The following CHMP7 variants were observed in gnomAD, a reference collection of about 807,000 sequenced individuals.
CHMP7 encodes CHMP family, member 7.
CHMP7 carries 15 observed loss-of-function variants against 53.7 expected under a neutral mutation model. The ratio of observed to expected loss-of-function variants is 0.28; its 90% CI spans 0.19 to 0.43. The LOEUF (loss-of-function observed/expected upper bound fraction) is 0.43. Ranked by LOEUF, CHMP7 falls within the 20% of genes least tolerant of loss-of-function variation. CHMP7 has a pLI of 1.00. For missense variants in CHMP7, 527 were observed against 569.4 expected (o/e 0.93, Z 0.76); for synonymous variants, 261 against 228.0 (o/e 1.14, Z -1.30).
At chr8:23,257,779 CCT>C (rs1370347537) in intron 5 of CHMP7, among the ~76,000 whole-genome samples, 4 of 152,200 alleles carry the variant, frequency 2.6e-5, no homozygotes, top group African/African-American at 9.6e-5. Flanking sequence ...TATAATGTGC[CCT>C]GTTTGCATGT....
intron 1 of CHMP7, among the ~76,000 whole-genome samples, chr8:23,245,150 G>T (rs6983883): frequency 1.3e-5 from 2 of 152,108 alleles, no homozygotes; most frequent in Non-Finnish European, 2.9e-5. Context: ...GTGTTAGCTA[G>T]GATTTCCCGT....
At chr8:23,251,312 T>A (rs1412642274) in intron 3 of CHMP7, among the ~76,000 whole-genome samples, 1 of 152,104 alleles carries the variant, frequency 6.6e-6, no homozygotes, top group Non-Finnish European at 1.5e-5. Context: ...TTTTGTTATT[T>A]AAAAAAAATA....
intron 2 of CHMP7, 34 bp downstream of exon 2, chr8:23,247,028 C>G (rs2128856521): frequency 2.1e-6 from 3 of 1,413,440 alleles, no homozygotes; most frequent in Non-Finnish European, 2.8e-6. Flanking sequence ...GCCGCGAGGG[C>G]GGGCGGGGGC....
intron 8 of CHMP7, 33 bp downstream of exon 8, chr8:23,258,863 G>A (rs937932848): frequency 6.9e-7 from 1 of 1,440,318 alleles, no homozygotes; most frequent in African/African-American, 1.4e-5. Flanking sequence ...GACACACAGA[G>A]AAGGAGGTGA....
In CHMP7 at chr8:23,256,513, A is replaced by C; in HGVS notation, c.711A>C (p.Val237=). The C allele has an allele frequency of 1.2e-6, 2 of 1,610,216 alleles. No individual in the cohort carries two copies. Among genetic ancestry groups the C allele is most frequent in the South Asian group, 1.1e-5 (1 of 91,002 alleles). ...CCAAGGTCTCTCCAGTCAATGACGTAGATGTTGGGGTGTACCAGCTGATGC... is the reference window on the plus strand; with the variant it reads ...CCAAGGTCTCTCCAGTCAATGACGTCGATGTTGGGGTGTACCAGCTGATGC... ...PRAKVSPVND[V]DVGVYQLMQS... Residue 237 remains valine, a synonymous_variant, in exon 5 of 11, where the codon GTA becomes GTC. Transcript: ENST00000397677.
intron 10 of CHMP7, 30 bp from the exon 11 acceptor site, chr8:23,260,508 A>G (rs1425809723): frequency 6.2e-7 from 1 of 1,606,794 alleles, no homozygotes; most frequent in East Asian, 2.2e-5. Flanking sequence ...TTTTCCTGTT[A>G]TAGTGTTCAG....
In CHMP7 at chr8:23,258,399, A is replaced by G; in HGVS notation, c.910A>G (p.Thr304Ala). The G allele has an allele frequency of 6.2e-7, 1 of 1,614,128 alleles. No homozygotes were observed. The highest frequency in any genetic ancestry group is 8.5e-7 in the Non-Finnish European group (1 of 1,180,028). Residue 304 changes from threonine (T) to alanine (A), a missense_variant, in exon 7 of 11, where the codon ACT (threonine) becomes GCT (alanine). Transcript: ENST00000397677. The part of the protein sequence containing the change: ...RIEALHAKLD[T>A]VQGILDRIYA... ...CGAGGCCTTGCATGCCAAGCTGGACACTGTTCAAGGCATCCTGGACCGGAT... is the reference window on the plus strand; with the variant it reads ...CGAGGCCTTGCATGCCAAGCTGGACGCTGTTCAAGGCATCCTGGACCGGAT...
At position 23,245,263 on chromosome 8, in the gene CHMP7, A is replaced by G. The variant is rs1435510708; in HGVS notation, c.-440-993A>G. On this transcript the variant is annotated intron_variant, in intron 1 of 10. Transcript: ENST00000397677. ...ACCATTAATTCTTATGTTGGCTGTA[A>G]GGTTCCTGTTTATGTTCTTTATCAA... Among the ~76,000 whole-genome samples, 3 of 152,208 alleles carry G rather than the reference A, an allele frequency of 2.0e-5. No homozygotes were observed. In the East Asian group the frequency reaches 5.8e-4, roughly 29 times the overall value.
In CHMP7 at chr8:23,255,394, G is replaced by A. The variant is rs1481696995; in HGVS notation, c.619G>A (p.Glu207Lys). ...CTTGGTGTTGCTGCAGCTGCAGAAG[G>A]AGAAGAGGGTCACAGTCCTCGAGCA... ...FYLVLLQLQK[E>K]KRVTVLEQNG... The change falls in exon 4 of 11, where the codon GAG becomes AAG. Residue 207 changes from glutamate (E) to lysine (K), a missense_variant. Transcript: ENST00000397677. 3 of 1,614,196 alleles carry A rather than the reference G, an allele frequency of 1.9e-6. No individual in the cohort carries two copies. The highest frequency in any genetic ancestry group is 2.5e-6 in the Non-Finnish European group (3 of 1,180,026).
intron 1 of CHMP7, among the ~76,000 whole-genome samples, chr8:23,244,133 C>G (rs1192910521): frequency 1.3e-5 from 2 of 151,906 alleles, no homozygotes; most frequent in Non-Finnish European, 2.9e-5. Context: ...TTTCAGAAAG[C>G]AAATAATAAT....
intron 2 of CHMP7, 122 bp from the exon 3 acceptor site, chr8:23,249,088 G>A (rs1038396338): frequency 2.5e-6 from 2 of 784,988 alleles, no homozygotes; most frequent in Non-Finnish European, 3.9e-6. Context: ...CAGCGTAGGT[G>A]CTTAACAAAT....
chr8:23,246,499 T>A lies in CHMP7; in HGVS notation c.-197T>A, dbSNP rs1419144682. ...CGGTGTCTCTCTGAAAAGAACTTCA[T>A]CATACTGCCTCCTGGCTGACGGAGC... On this transcript the variant is annotated 5_prime_UTR_variant, in exon 2 of 11. Coordinates refer to ENST00000397677, the MANE Select transcript of CHMP7 (RefSeq NM_152272.5). The A allele has an allele frequency of 5.0e-6, 3 of 595,302 alleles. No homozygotes were observed. Among genetic ancestry groups the A allele is most frequent in the South Asian group, 4.1e-5 (2 of 48,520 alleles). 36.9% of individuals were successfully genotyped at this position (595,302 alleles called of 1,614,324 possible). A position where few individuals can be genotyped will look rare whatever the true frequency, so the allele number is the denominator to read the frequency against.
chr8:23,247,921 T>G (rs2128856840), intron 2 of CHMP7: 4 of 350,870 alleles, frequency 1.1e-5, no homozygotes, highest in Non-Finnish European at 2.3e-5. Context: ...TTGGTTGGTT[T>G]TTTTTTTTTT....
intron 9 of CHMP7, among the ~76,000 whole-genome samples, 191 bp downstream of exon 9, chr8:23,259,317 TGC>T (rs1802285928): frequency 6.1e-5 from 9 of 147,868 alleles, no homozygotes; most frequent in Admixed American, 1.3e-4. Flanking sequence ...TACAGGCGCC[TGC>T]CACTATGCCC....
chr8:23,255,687 G>A (rs370091727), intron 4 of CHMP7, among the ~76,000 whole-genome samples: 2 of 151,778 alleles, frequency 1.3e-5, no homozygotes, highest in Admixed American at 6.6e-5. Flanking sequence ...GCATCTCCCC[G>A]CCTGAGTCAC....
intron 9 of CHMP7, 26 bp from the exon 10 acceptor site, chr8:23,260,118 A>G (rs1188938812): frequency 1.2e-6 from 2 of 1,601,532 alleles, no homozygotes; most frequent in East Asian, 2.2e-5. Context: ...GAGTTTATGC[A>G]TCTTTATGTT....
At position 23,246,958 on chromosome 8, in the gene CHMP7, C is replaced by T; in HGVS notation, c.263C>T (p.Pro88Leu). 2.6e-6 allele frequency: 4 copies of T among 1,547,654 alleles called. No individual in the cohort carries two copies. Among genetic ancestry groups the T allele is most frequent in the South Asian group, 1.2e-5 (1 of 84,472 alleles). The change falls in exon 2 of 11, where the codon CCG (proline) becomes CTG (leucine). Residue 88 changes from proline (P) to leucine (L), a missense_variant. Coordinates refer to ENST00000397677, the MANE Select transcript of CHMP7 (RefSeq NM_152272.5). The stretch of plus-strand genomic sequence containing the variant: ...GCCTTTCAGCGCAAGGGGAGCGTCC[C>T]GCTGGGGCTGGCCACGGTGCTGCAG... ...QEAFQRKGSV[P>L]LGLATVLQDL...
rs1802345945 is a variant in CHMP7 at position 23,260,569 on chromosome 8, G to A, written c.1332G>A (p.Arg444=). 5 of 1,600,108 alleles carry A rather than the reference G, an allele frequency of 3.1e-6. No individual in the cohort carries two copies. Among genetic ancestry groups the A allele is most frequent in the Non-Finnish European group, 2.6e-6 (3 of 1,168,240 alleles). Reference sequence around the variant, plus strand: ...TCCCAAGCAGTAAATCTCCAAAAAGGCAATTGGAACCGACTCTAAAGCCAT... The same window carrying A: ...TCCCAAGCAGTAAATCTCCAAAAAGACAATTGGAACCGACTCTAAAGCCAT... ...GLVPSSKSPK[R]QLEPTLKPL Residue 444 remains arginine, a synonymous_variant, in exon 11 of 11, where the codon AGG becomes AGA. Coordinates refer to ENST00000397677, the MANE Select transcript of CHMP7 (RefSeq NM_152272.5).
Position 23,246,974 on chromosome 8 carries a change from G to A in CHMP7, c.279G>A (p.Thr93=), listed in dbSNP as rs763463042. 5 of 1,539,470 alleles carry A rather than the reference G, an allele frequency of 3.2e-6. No individual in the cohort carries two copies. The highest frequency in any genetic ancestry group is 4.4e-6 in the Non-Finnish European group (5 of 1,146,876). Residue 93 remains threonine (T), a synonymous_variant, in exon 2 of 11, where the codon ACG becomes ACA. Transcript: ENST00000397677. ...RKGSVPLGLA[T]VLQDLLRRGE... ...GGAGCGTCCCGCTGGGGCTGGCCAC[G>A]GTGCTGCAGGACCTGCTGCGGTGAG...
Sources: gnomAD v4.1 joint callset for allele counts (sites outside exome capture counted in the v4.1 genomes callset) on GRCh38, gnomAD v4.1.1 for gene constraint, MANE v1.5 for transcripts, NCBI Gene and HGNC (gene_info 2026-07-23, HGNC 2026-07-21) for gene names.